Variants in DOCK4 observed in about 807,000 individuals in gnomAD.
DOCK4 encodes the protein dedicator of cytokinesis protein 4.
DOCK4 carries 97 observed loss-of-function variants against 268.1 expected under a neutral mutation model. The observed-to-expected ratio is 0.36, with a 90% CI of 0.31 to 0.43. The LOEUF is 0.43. Among genes scored for constraint, DOCK4 ranks in the 20% least tolerant of loss-of-function variants. The probability of loss-of-function intolerance (pLI) is 1.00; values close to 1 mark genes in which losing one functional copy is unlikely to be tolerated. For missense variants in DOCK4, 2,145 were observed against 2,455.7 expected (o/e 0.87, Z 2.67); for synonymous variants, 954 against 887.2 (o/e 1.08, Z -1.34).
intron 5 of DOCK4, among the ~76,000 whole-genome samples, chr7:111,993,571 A>G (rs1799700269): frequency 6.6e-6 from 1 of 152,212 alleles, no homozygotes; most frequent in African/African-American, 2.4e-5. Flanking sequence ...AGGATTAAAG[A>G]AGATACTGCA....
intron 2 of DOCK4, among the ~76,000 whole-genome samples, chr7:112,002,166 T>C (rs1800478765): frequency 6.6e-6 from 1 of 152,196 alleles, no homozygotes. Context: ...TAAAATATCG[T>C]CCCTAACAGT....
At chr7:112,203,483 T>G (rs1056691195) in intron 1 of DOCK4, among the ~76,000 whole-genome samples, 1 of 152,240 alleles carries the variant, frequency 6.6e-6, no homozygotes, top group Admixed American at 6.5e-5. Context: ...GCTTAAAATT[T>G]AATCATAAGT....
intron 30 of DOCK4, among the ~76,000 whole-genome samples, chr7:111,803,351 A>G (rs1800441259): frequency 6.6e-6 from 1 of 152,362 alleles, no homozygotes; most frequent in African/African-American, 2.4e-5. Flanking sequence ...CAGCAAAATA[A>G]ACTTCATTTA....
At position 111,984,457 on chromosome 7, in the gene DOCK4, T is replaced by A. The variant is rs551261574; in HGVS notation, c.465-67A>T. 2.3e-5 allele frequency: 32 copies of A among 1,372,594 alleles called. No individual in the cohort carries two copies. In the African/African-American group the frequency reaches 4.2e-4, roughly 18 times the overall value. The allele number at this position is 1,372,594 out of a possible 1,614,324, so 85.0% of individuals were successfully genotyped here. On this transcript the variant is annotated intron_variant, in intron 6 of 52. Coordinates refer to ENST00000428084, the MANE Select transcript of DOCK4 (RefSeq NM_001363540.2). ...CATGAAATATGTTAAAAACAATTGGTTTTTTACTATATCACTTGGAAATTA... is the reference window on the plus strand; with the variant it reads ...CATGAAATATGTTAAAAACAATTGGATTTTTACTATATCACTTGGAAATTA...
chr7:112,066,683 A>G (rs1457271561), intron 1 of DOCK4, among the ~76,000 whole-genome samples: 492 of 15,938 alleles, frequency 0.031, 51 homozygotes, highest in African/African-American at 0.16. Flanking sequence ...ATACATATAT[A>G]CATATACATA....
intron 1 of DOCK4, among the ~76,000 whole-genome samples, chr7:112,144,859 C>A (rs1028143456): frequency 1.3e-5 from 2 of 152,138 alleles, no homozygotes. Flanking sequence ...GGACTACTGA[C>A]GCAAAGCGAG....
At chr7:112,141,482 C>T (rs1357947367) in intron 1 of DOCK4, among the ~76,000 whole-genome samples, 1 of 152,144 alleles carries the variant, frequency 6.6e-6, no homozygotes, top group Non-Finnish European at 1.5e-5. Flanking sequence ...TGGGCCTCAT[C>T]CAATCAGTTG....
intron 1 of DOCK4, among the ~76,000 whole-genome samples, chr7:112,168,573 C>T (rs1327577808): frequency 6.6e-6 from 1 of 152,050 alleles, no homozygotes; most frequent in South Asian, 2.1e-4. Context: ...GGCATGGTGG[C>T]GCATGCCTGG....
intron 39 of DOCK4, among the ~76,000 whole-genome samples, chr7:111,761,636 C>G (rs1437437912): frequency 6.6e-6 from 1 of 152,074 alleles, no homozygotes; most frequent in Non-Finnish European, 1.5e-5. Context: ...AAGAGGGACT[C>G]CAGGCCACAG....
At chr7:111,905,208 T>C (rs533933990) in intron 13 of DOCK4, among the ~76,000 whole-genome samples, 1 of 152,336 alleles carries the variant, frequency 6.6e-6, no homozygotes, top group African/African-American at 2.4e-5. Flanking sequence ...TGAGTCCAAA[T>C]GGTGTTCAGA....
At chr7:112,021,444 A>G (rs141605388) in intron 1 of DOCK4, among the ~76,000 whole-genome samples, 3 of 152,328 alleles carry the variant, frequency 2.0e-5, no homozygotes, top group Non-Finnish European at 2.9e-5. Context: ...AGCTCAGAAA[A>G]GAAGTGCTAC....
At chr7:111,955,678 G>A (rs1440118864) in intron 8 of DOCK4, among the ~76,000 whole-genome samples, 1 of 152,132 alleles carries the variant, frequency 6.6e-6, no homozygotes, top group African/African-American at 2.4e-5. Context: ...GAGTTTTTAG[G>A]AAGGTAAAAT....
At chr7:112,055,946 A>T (rs1278350071) in intron 1 of DOCK4, among the ~76,000 whole-genome samples, 1 of 152,130 alleles carries the variant, frequency 6.6e-6, no homozygotes, top group African/African-American at 2.4e-5. Flanking sequence ...AAAGGGAAGA[A>T]ATGTAATCAC....
chr7:111,777,458 T>C (rs1798519582), intron 36 of DOCK4, among the ~76,000 whole-genome samples: 1 of 152,234 alleles, frequency 6.6e-6, no homozygotes, highest in Admixed American at 6.5e-5. Context: ...AGTATTTTTA[T>C]CCTCTTAAAT....
intron 6 of DOCK4, among the ~76,000 whole-genome samples, chr7:111,984,780 G>A (rs777144595): frequency 1.4e-4 from 21 of 152,184 alleles, no homozygotes; most frequent in Non-Finnish European, 2.4e-4. Flanking sequence ...GAGTTGAGGG[G>A]AAGGAAATTT....
intron 1 of DOCK4, among the ~76,000 whole-genome samples, chr7:112,086,773 A>G (rs892360462): frequency 2.0e-5 from 3 of 152,134 alleles, no homozygotes; most frequent in South Asian, 2.1e-4. Context: ...GCCCAAGCAC[A>G]CTAAATGTTG....
intron 1 of DOCK4, among the ~76,000 whole-genome samples, chr7:112,031,426 TC>T (rs1414427573): frequency 1.3e-5 from 2 of 152,210 alleles, no homozygotes; most frequent in Non-Finnish European, 2.9e-5. Flanking sequence ...TTTCCTTTTT[TC>T]CTTCCTCCCC....
intron 1 of DOCK4, among the ~76,000 whole-genome samples, chr7:112,146,549 T>C (rs1479858868): frequency 6.6e-6 from 1 of 152,124 alleles, no homozygotes; most frequent in Non-Finnish European, 1.5e-5. Context: ...CTAGGCAATG[T>C]GGCGAAACCT....
chr7:111,821,599 A>C (rs1801986023), intron 27 of DOCK4: 1 of 152,220 alleles, frequency 6.6e-6, no homozygotes, highest in South Asian at 2.1e-4. Context: ...CTCTCAGATC[A>C]TGCTGGATAT....
Sources: allele counts gnomAD v4.1 joint callset (sites outside exome capture counted in the v4.1 genomes callset), GRCh38; gene constraint gnomAD v4.1.1; transcripts MANE v1.5; gene names NCBI Gene and HGNC (gene_info 2026-07-23, HGNC 2026-07-21).